The following CDKAL1 variants were observed in gnomAD, a reference collection of about 807,000 sequenced individuals.
CDKAL1 encodes the protein CDKAL1 threonylcarbamoyladenosine tRNA methylthiotransferase.
In CDKAL1, 32 loss-of-function variants were observed where a neutral mutation model predicts 68.2. The observed-to-expected ratio is 0.47, with a 90% CI of 0.35 to 0.63. The LOEUF (loss-of-function observed/expected upper bound fraction) is 0.63, where lower values mean the gene tolerates loss of function less well. Among genes scored for constraint, CDKAL1 ranks in the 30% least tolerant of loss-of-function variants. The pLI, the probability that CDKAL1 is intolerant of heterozygous loss-of-function variation, is 0.00. For synonymous variants in CDKAL1, 234 were observed against 244.3 expected (o/e 0.96, Z 0.39); for missense variants, 606 against 696.7 (o/e 0.87, Z 1.47).
chr6:21,053,103 A>G (rs978899974), intron 11 of CDKAL1, among the ~76,000 whole-genome samples: 3 of 152,180 alleles, frequency 2.0e-5, no homozygotes, highest in African/African-American at 7.2e-5. Flanking sequence ...TCATTCTGTC[A>G]AAAATTTTTC....
intron 4 of CDKAL1, among the ~76,000 whole-genome samples, chr6:20,551,024 C>G (rs1182617876): frequency 5.9e-5 from 9 of 151,936 alleles, no homozygotes; most frequent in Admixed American, 5.9e-4. Context: ...CGCCACCATG[C>G]CTGGCTAATT....
At chr6:21,125,596 C>T (rs1341004177) in intron 13 of CDKAL1, among the ~76,000 whole-genome samples, 4 of 152,210 alleles carry the variant, frequency 2.6e-5, no homozygotes, top group Middle Eastern at 3.4e-3. Context: ...CGCTTGAACC[C>T]GGCGGGGGTG....
chr6:20,724,877 T>C (rs959864011), intron 5 of CDKAL1, among the ~76,000 whole-genome samples: 1 of 152,220 alleles, frequency 6.6e-6, no homozygotes, highest in Non-Finnish European at 1.5e-5. Flanking sequence ...CTCATAAACC[T>C]TATCCCTTTA....
chr6:20,581,069 G>A (rs1480275713), intron 4 of CDKAL1, among the ~76,000 whole-genome samples: 2 of 152,136 alleles, frequency 1.3e-5, no homozygotes, highest in East Asian at 1.9e-4. Context: ...GATAACAGGC[G>A]TGATACTTTT....
At chr6:20,729,279 G>C (rs909741650) in intron 5 of CDKAL1, among the ~76,000 whole-genome samples, 1 of 152,176 alleles carries the variant, frequency 6.6e-6, no homozygotes, top group Admixed American at 6.5e-5. Flanking sequence ...TAAGGAGCTT[G>C]TCAGGATGCA....
At position 21,042,403 on chromosome 6, in the gene CDKAL1, A is replaced by G. The variant is rs117820538; in HGVS notation, c.1056-22645A>G. Among the ~76,000 whole-genome samples the G allele has an allele frequency of 2.2e-4, 34 of 152,244 alleles. No individual in the cohort carries two copies. The East Asian group carries it at 4.8e-3, about 22-fold the overall frequency. On this transcript the variant is annotated intron_variant, in intron 11 of 15. Transcript: ENST00000274695. ...CGTGGTCCCTGCCCTACCTGCACTT[A>G]TAGTTCATCCCTTACACAACTAACA...
intron 9 of CDKAL1, among the ~76,000 whole-genome samples, chr6:20,848,594 A>G (rs1758820403): frequency 6.6e-6 from 1 of 152,326 alleles, no homozygotes; most frequent in South Asian, 2.1e-4. Context: ...TAGAGAACGT[A>G]TTAGAAGATT....
At chr6:20,770,253 A>G (rs1380462258) in intron 7 of CDKAL1, among the ~76,000 whole-genome samples, 3 of 152,194 alleles carry the variant, frequency 2.0e-5, no homozygotes, top group Non-Finnish European at 4.4e-5. Context: ...GAGTGAACGT[A>G]TTCCCTAACT....
intron 4 of CDKAL1, among the ~76,000 whole-genome samples, chr6:20,585,915 T>A (rs1765336016): frequency 1.3e-5 from 2 of 152,168 alleles, no homozygotes. Context: ...AATTTGGATC[T>A]TTAAAAGGCA....
At chr6:20,707,857 T>G (rs1301997632) in intron 5 of CDKAL1, among the ~76,000 whole-genome samples, 1 of 152,224 alleles carries the variant, frequency 6.6e-6, no homozygotes, top group Non-Finnish European at 1.5e-5. Context: ...TCTTTAAAAA[T>G]GTACGTTTTA....
At chr6:20,569,463 A>G (rs1764610236) in intron 4 of CDKAL1, among the ~76,000 whole-genome samples, 1 of 152,222 alleles carries the variant, frequency 6.6e-6, no homozygotes, top group African/African-American at 2.4e-5. Context: ...CACCTGCCAA[A>G]GGAATGCTTT....
intron 8 of CDKAL1, among the ~76,000 whole-genome samples, chr6:20,810,381 C>T (rs1776743146): frequency 7.1e-6 from 1 of 141,544 alleles, no homozygotes; most frequent in African/African-American, 2.6e-5. Context: ...CTCTCTCTCT[C>T]TCTCTCTCTG....
intron 5 of CDKAL1, among the ~76,000 whole-genome samples, chr6:20,716,139 A>G (rs1025568308): frequency 2.0e-5 from 3 of 152,206 alleles, no homozygotes; most frequent in African/African-American, 7.2e-5. Flanking sequence ...GCACACTGTG[A>G]TGAATAAGAG....
chr6:20,611,003 G>A (rs1167573628), intron 4 of CDKAL1, among the ~76,000 whole-genome samples: 1 of 152,174 alleles, frequency 6.6e-6, no homozygotes, highest in Non-Finnish European at 1.5e-5. Flanking sequence ...TAGATTCAAA[G>A]TCATTTTCCC....
chr6:21,164,038 T>G (rs1234730817), intron 13 of CDKAL1, among the ~76,000 whole-genome samples: 1 of 151,988 alleles, frequency 6.6e-6, no homozygotes, highest in African/African-American at 2.4e-5. Flanking sequence ...CCCCTCTACC[T>G]AGCTCCAGAA....
chr6:21,056,813 G>A (rs1447027371), intron 11 of CDKAL1, among the ~76,000 whole-genome samples: 1 of 152,178 alleles, frequency 6.6e-6, no homozygotes. Flanking sequence ...CTGTTTATGT[G>A]ATGAATCACA....
intron 5 of CDKAL1, among the ~76,000 whole-genome samples, chr6:20,694,796 C>T (rs1771040424): frequency 6.6e-6 from 1 of 152,110 alleles, no homozygotes. Context: ...GGAGGAGGGG[C>T]CAAATGGAGG....
chr6:20,623,630 T>G (rs944171843), intron 4 of CDKAL1, among the ~76,000 whole-genome samples: 1 of 152,088 alleles, frequency 6.6e-6, no homozygotes, highest in Admixed American at 6.6e-5. Context: ...ACAAAGTGAA[T>G]CAAAGTTGGA....
At chr6:20,823,211 G>A (rs1217664791) in intron 8 of CDKAL1, among the ~76,000 whole-genome samples, 2 of 152,098 alleles carry the variant, frequency 1.3e-5, no homozygotes, top group African/African-American at 2.4e-5. Context: ...CTAAAATGCT[G>A]TCTCCTTTTT....
Sources: gnomAD v4.1 joint callset for allele counts (sites outside exome capture counted in the v4.1 genomes callset) on GRCh38, gnomAD v4.1.1 for gene constraint, MANE v1.5 for transcripts, NCBI Gene and HGNC (gene_info 2026-07-23, HGNC 2026-07-21) for gene names.